Variants in GAS7 observed in about 807,000 individuals in gnomAD.
The protein encoded by GAS7 is growth arrest specific 7, also known as growth arrest-specific protein 7.
In GAS7, 28 loss-of-function variants were observed where a neutral mutation model predicts 71.1. That is an observed-to-expected ratio of 0.39 (90% CI 0.29 to 0.54). GAS7 has a LOEUF of 0.54. GAS7 is among the 20% of genes least tolerant of loss of function. The pLI is 0.62. For missense variants in GAS7, 436 were observed against 627.8 expected (o/e 0.69, Z 3.27); for synonymous variants, 258 against 245.8 (o/e 1.05, Z -0.46).
chr17:10,187,736 C>T (rs1360640592), intron 1 of GAS7, among the ~76,000 whole-genome samples: 1 of 152,138 alleles, frequency 6.6e-6, no homozygotes, highest in Non-Finnish European at 1.5e-5. Flanking sequence ...CCTCAAAAGA[C>T]AAAGATTTGC....
chr17:10,133,129 T>A lies in GAS7; in HGVS notation c.183+65079A>T, dbSNP rs1301048189. Among the ~76,000 whole-genome samples, 142 of 145,426 alleles carry A rather than the reference T, an allele frequency of 9.8e-4. 2 individuals carry two copies. The highest frequency in any genetic ancestry group is 2.8e-3 in the African/African-American group (109 of 39,108). On this transcript the variant is annotated intron_variant, in intron 1 of 13. Transcript: ENST00000432992. ...TAGATTATATATTTTTATATTTTTT[T>A]TTTTTCTTTTTTGAGATGGAGTCTC...
At chr17:10,131,431 T>C (rs1048993197) in intron 1 of GAS7, among the ~76,000 whole-genome samples, 7 of 152,212 alleles carry the variant, frequency 4.6e-5, no homozygotes, top group African/African-American at 1.7e-4. Context: ...GAGACCAGCC[T>C]GGCCAACATG....
At chr17:10,082,285 A>G (rs897359052) in intron 1 of GAS7, among the ~76,000 whole-genome samples, 4 of 152,198 alleles carry the variant, frequency 2.6e-5, no homozygotes, top group Non-Finnish European at 5.9e-5. Context: ...AGAAGGAAAG[A>G]AGGGAAAGGA....
chr17:10,050,539 C>T (rs922856209), intron 1 of GAS7, among the ~76,000 whole-genome samples: 3 of 152,098 alleles, frequency 2.0e-5, no homozygotes, highest in African/African-American at 7.2e-5. Context: ...AGAGGGCTAG[C>T]ACATGGTCAG....
intron 1 of GAS7, among the ~76,000 whole-genome samples, chr17:10,158,986 G>A (rs2074228172): frequency 6.8e-6 from 1 of 147,556 alleles, no homozygotes; most frequent in South Asian, 2.1e-4. Flanking sequence ...CCTGAGCCCA[G>A]GAAGTGGAGG....
At chr17:10,096,557 G>A (rs1438679673) in intron 1 of GAS7, among the ~76,000 whole-genome samples, 1 of 152,156 alleles carries the variant, frequency 6.6e-6, no homozygotes, top group Non-Finnish European at 1.5e-5. Context: ...TTTCCTGTGG[G>A]GAGCCACACT....
intron 11 of GAS7, among the ~76,000 whole-genome samples, chr17:9,920,202 T>TGTGTGC (rs2067756659): frequency 6.6e-6 from 1 of 151,928 alleles, no homozygotes; most frequent in South Asian, 2.1e-4. Flanking sequence ...TGTGTGTGTG[T>TGTGTGC]GCATGAACAC....
intron 5 of GAS7, among the ~76,000 whole-genome samples, chr17:9,954,531 T>C (rs2069151381): frequency 6.6e-6 from 1 of 151,928 alleles, no homozygotes; most frequent in African/African-American, 2.4e-5. Flanking sequence ...CAAGAGGGGA[T>C]TAGAAGAAGC....
chr17:10,093,274 GT>G (rs2073603789), intron 1 of GAS7, among the ~76,000 whole-genome samples: 1 of 152,064 alleles, frequency 6.6e-6, no homozygotes, highest in African/African-American at 2.4e-5. Context: ...TTTATATTGA[GT>G]TTTTTAAAAG....
At chr17:10,079,801 T>C (rs1567583316) in intron 1 of GAS7, among the ~76,000 whole-genome samples, 1 of 152,222 alleles carries the variant, frequency 6.6e-6, no homozygotes, top group Non-Finnish European at 1.5e-5. Context: ...AATAAAACTC[T>C]TCAAATATTC....
chr17:9,927,895 G>A (rs1280114280), intron 9 of GAS7, among the ~76,000 whole-genome samples: 1 of 152,146 alleles, frequency 6.6e-6, no homozygotes, highest in South Asian at 2.1e-4. Context: ...TTCTCAGCTT[G>A]CTGGGCTGCC....
intron 1 of GAS7, among the ~76,000 whole-genome samples, chr17:10,128,514 C>T (rs1276218958): frequency 2.0e-5 from 3 of 152,230 alleles, no homozygotes; most frequent in African/African-American, 4.8e-5. Flanking sequence ...CCCTCTCACC[C>T]CCTTAACTAG....
rs564043650 is a variant in GAS7, at chr17:10,096,777, G to A, written c.184-76880C>T. On this transcript the variant is annotated intron_variant, in intron 1 of 13. Transcript: ENST00000432992. ...TGCCAGCTTCCAACGTGCAGCTCAA[G>A]TGAGAAAGCGCACATCCTGACATCT... is the stretch of plus-strand genomic sequence containing the variant. Among the ~76,000 whole-genome samples the A allele has an allele frequency of 1.5e-4, 23 of 152,398 alleles. No homozygotes were observed. In the South Asian group the frequency reaches 4.8e-3, roughly 32 times the overall value.
chr17:10,160,979 G>C (rs894411777), intron 1 of GAS7, among the ~76,000 whole-genome samples: 43 of 110,704 alleles, frequency 3.9e-4, no homozygotes, highest in East Asian at 1.1e-3. Context: ...CACACACACA[G>C]ACGAAGGCAT....
rs113351260 is a variant in GAS7, at chr17:10,141,569, G to A, written c.183+56639C>T. ...CTCAGTTACTCCCTCCACAGAGCCC[G>A]GCTCCAAAGAGGGAGGAGACGCAGT... On this transcript the variant is annotated intron_variant, in intron 1 of 13. Coordinates refer to ENST00000432992, the MANE Select transcript of GAS7 (RefSeq NM_201433.2). Among the ~76,000 whole-genome samples the A allele has an allele frequency of 2.4e-3, 362 of 152,196 alleles. 4 individuals are homozygous for A. Among genetic ancestry groups the A allele is most frequent in the African/African-American group, 7.7e-3 (319 of 41,528 alleles).
At chr17:10,158,177 A>AT (rs1294263744) in intron 1 of GAS7, among the ~76,000 whole-genome samples, 4 of 151,602 alleles carry the variant, frequency 2.6e-5, no homozygotes, top group African/African-American at 7.3e-5. Context: ...CACCTGGCTA[A>AT]TTTTTTTGTA....
intron 2 of GAS7, among the ~76,000 whole-genome samples, chr17:10,003,275 G>A (rs981237300): frequency 1.3e-5 from 2 of 152,192 alleles, no homozygotes; most frequent in African/African-American, 4.8e-5. Flanking sequence ...GCCCAGAGGG[G>A]CAGTAAAGAA....
chr17:9,920,321 CAG>C (rs1258535043), intron 11 of GAS7, among the ~76,000 whole-genome samples: 1 of 152,074 alleles, frequency 6.6e-6, no homozygotes, highest in African/African-American at 2.4e-5. Context: ...CCTTGGGAAA[CAG>C]AGAAAGGGTG....
At chr17:10,023,876 C>A (rs2072366379) in intron 1 of GAS7, among the ~76,000 whole-genome samples, 1 of 152,156 alleles carries the variant, frequency 6.6e-6, no homozygotes, top group Admixed American at 6.6e-5. Flanking sequence ...GTAATCCCAG[C>A]ACTTTGGGAG....
Sources: gnomAD v4.1 joint callset for allele counts (sites outside exome capture counted in the v4.1 genomes callset) on GRCh38, gnomAD v4.1.1 for gene constraint, MANE v1.5 for transcripts, NCBI Gene and HGNC (gene_info 2026-07-23, HGNC 2026-07-21) for gene names.